The following ZNFX1 variants were observed in gnomAD, a reference collection of about 807,000 sequenced individuals.
ZNFX1 encodes NFX1-type zinc finger-containing protein 1.
A neutral mutation model predicts 179.8 loss-of-function variants in ZNFX1; 78 were observed. That is an observed-to-expected ratio of 0.43 (90% CI 0.36 to 0.52). The LOEUF (loss-of-function observed/expected upper bound fraction) is 0.52. ZNFX1 is among the 20% of genes least tolerant of loss of function. The pLI, the probability that ZNFX1 is intolerant of heterozygous loss-of-function variation, is 0.00. For missense variants in ZNFX1, 1,927 were observed against 2,386.6 expected, an observed-to-expected ratio of 0.81 and a Z score of 4.01; for synonymous variants, 848 against 868.5, an observed-to-expected ratio of 0.98 and a Z score of 0.42.
Position 49,257,539 on chromosome 20 carries a change from G to A in ZNFX1, c.2542C>T (p.Arg848Trp), listed in dbSNP as rs145269844. 1.1e-4 allele frequency: 183 copies of A among 1,613,588 alleles called. No homozygotes were observed. The highest frequency in any genetic ancestry group is 4.9e-4 in the Middle Eastern group (3 of 6,084). The change falls in exon 8 of 14, where the codon CGG becomes TGG. Residue 848 changes from arginine to tryptophan, a missense_variant. Physicochemically the swap from Arg to Trp is moderately radical, Grantham distance 101. Transcript: ENST00000396105. ...GCTCCACTCTCTTCCTTCTTCCGCC[G>A]CTGGGGCCTCACCACCTCTTCCTCC... is the stretch of plus-strand genomic sequence containing the variant. ...IEEEEVVRPQRRKKEESGADQ... is the reference protein window; with the variant it reads ...IEEEEVVRPQWRKKEESGADQ...
chr20:49,257,270 A>C (rs1980991066), intron 8 of ZNFX1, 147 bp downstream of exon 8: 1 of 1,172,944 alleles, frequency 8.5e-7, no homozygotes, highest in Non-Finnish European at 1.2e-6. Flanking sequence ...CTTGGGAATC[A>C]CTAAAGCCAT....
intron 13 of ZNFX1, among the ~76,000 whole-genome samples, chr20:49,251,205 C>T (rs942345297): frequency 3.9e-5 from 6 of 151,942 alleles, no homozygotes; most frequent in Non-Finnish European, 7.4e-5. Context: ...TAGCATGGCA[C>T]GATCTCAGCT....
intron 4 of ZNFX1, among the ~76,000 whole-genome samples, chr20:49,265,254 C>A (rs1196757270): frequency 6.6e-6 from 1 of 152,196 alleles, no homozygotes; most frequent in Non-Finnish European, 1.5e-5. Context: ...GGGCCCAGCA[C>A]AAAGCAAGCA....
Position 49,271,195 on chromosome 20 carries a change from T to G in ZNFX1, c.617A>C (p.His206Pro). 6.2e-7 allele frequency: 1 copy of G among 1,614,114 alleles called. No individual in the cohort carries two copies. The highest frequency in any genetic ancestry group is 8.5e-7 in the Non-Finnish European group (1 of 1,180,022). Reference sequence around the variant, plus strand: ...GGAGTTTTTCAATATGCCCAGTACATGGAGAACACTCTGGCGATCCATTTT... The same window carrying G: ...GGAGTTTTTCAATATGCCCAGTACAGGGAGAACACTCTGGCGATCCATTTT... ...SSKMDRQSVL[H>P]VLGILKNSKF... is the part of the protein sequence containing the mutation. Residue 206 changes from histidine to proline, a missense_variant, in exon 3 of 14, where the codon CAT becomes CCT. Transcript: ENST00000396105.
rs766738528 is a variant in ZNFX1 at position 49,275,868 on chromosome 20, A to G, written c.-29T>C. 3 of 1,612,834 alleles carry G rather than the reference A, an allele frequency of 1.9e-6. No individual in the cohort carries two copies. In the African/African-American group the frequency reaches 4.0e-5, roughly 22 times the overall value. Reference sequence around the variant, plus strand: ...TGAGTCACCTGAATTCCTTCACGTTACTTTCTGTTATCTGGAAAACTGCAC... The same window carrying G: ...TGAGTCACCTGAATTCCTTCACGTTGCTTTCTGTTATCTGGAAAACTGCAC... On this transcript the variant is annotated 5_prime_UTR_variant, in exon 2 of 14. Coordinates refer to ENST00000396105, the MANE Select transcript of ZNFX1 (RefSeq NM_021035.3).
rs2146732320 is a variant in ZNFX1, at chr20:49,255,931, T to C, written c.2681A>G (p.Lys894Arg). ...TGEWQTQRNQKKKMKKRVKDE... is the reference protein window; with the variant it reads ...TGEWQTQRNQRKKMKKRVKDE... ...CTTCACTCTTTTTTTCATTTTCTTT[T>C]TCTGGTTGCGCTGGGTCTGCAGACA... is the stretch of plus-strand genomic sequence containing the variant. The change falls in exon 9 of 14, where the codon AAA becomes AGA. Residue 894 changes from lysine to arginine, a missense_variant. Lys to Arg is a conservative substitution (Grantham distance 26). Transcript: ENST00000396105. The C allele has an allele frequency of 6.2e-7, 1 of 1,614,128 alleles. No individual in the cohort carries two copies. The highest frequency in any genetic ancestry group is 2.2e-5 in the East Asian group (1 of 44,880).
In ZNFX1 at chr20:49,257,528, C is replaced by T; in HGVS notation, c.2553G>A (p.Lys851=). ...ACTCCTGGTCTGCTCCACTCTCTTC[C>T]TTCTTCCGCCGCTGGGGCCTCACCA... ...EEVVRPQRRK[K]EESGADQELA... The change falls in exon 8 of 14, where the codon AAG becomes AAA. Residue 851 remains lysine (K), a synonymous_variant. Coordinates refer to ENST00000396105, the MANE Select transcript of ZNFX1 (RefSeq NM_021035.3). The T allele has an allele frequency of 6.2e-7, 1 of 1,613,896 alleles. No individual in the cohort carries two copies. Among genetic ancestry groups the T allele is most frequent in the Non-Finnish European group, 8.5e-7 (1 of 1,180,000 alleles).
chr20:49,263,329 C>T lies in ZNFX1; in HGVS notation c.2301+5G>A, dbSNP rs1343649154. ...CATATTTGTGTCCCCCAGGATGACCCCTACCTGCACTGGTCCATTCATGAG... is the reference window on the plus strand; with the variant it reads ...CATATTTGTGTCCCCCAGGATGACCTCTACCTGCACTGGTCCATTCATGAG... On this transcript the variant is annotated splice_donor_5th_base_variant and intron_variant, in intron 6 of 13. Coordinates refer to ENST00000396105, the MANE Select transcript of ZNFX1 (RefSeq NM_021035.3). 1.9e-6 allele frequency: 3 copies of T among 1,612,664 alleles called. No individual in the cohort carries two copies. The highest frequency in any genetic ancestry group is 2.7e-5 in the African/African-American group (2 of 74,882).
intron 8 of ZNFX1, 68 bp from the exon 9 acceptor site, chr20:49,256,015 G>T: frequency 6.3e-7 from 1 of 1,578,982 alleles, no homozygotes. Flanking sequence ...GCCCAAGGCA[G>T]GGGTCACAGC....
Position 49,246,745 on chromosome 20 carries a change from G to C in ZNFX1, c.*522C>G, listed in dbSNP as rs8123912. 75,152 of 416,758 alleles carry C rather than the reference G, an allele frequency of 0.18. 7,319 individuals are homozygous for C. The highest frequency in any genetic ancestry group is 0.22 in the Non-Finnish European group (45,321 of 209,708). 25.8% of individuals were successfully genotyped at this position (416,758 alleles called of 1,614,324 possible). On this transcript the variant is annotated 3_prime_UTR_variant, in exon 14 of 14. Coordinates refer to ENST00000396105, the MANE Select transcript of ZNFX1 (RefSeq NM_021035.3). ...CTAATTTGCAGGAGAGAAGGGGTGA[G>C]ATTTGTTAACTTTGCTCTCAGTTCT...
chr20:49,257,702 CTTT>C (rs11295162), intron 7 of ZNFX1, 38 bp from the exon 8 acceptor site: 5,064 of 1,350,958 alleles, frequency 3.7e-3, no homozygotes, highest in South Asian at 5.0e-3. Flanking sequence ...GATGAAAACT[CTTT>C]TTTTTTTTTT....
At position 49,246,146 on chromosome 20, in the gene ZNFX1, G is replaced by C. The variant is rs1371458478; in HGVS notation, c.*1121C>G. On this transcript the variant is annotated 3_prime_UTR_variant, in exon 14 of 14. Coordinates refer to ENST00000396105, the MANE Select transcript of ZNFX1 (RefSeq NM_021035.3). ...CTCTACCCAGGGAACAGCTCCAAGAGGGAGTGTTGGGATGAAGGATCACAC... is the reference window on the plus strand; with the variant it reads ...CTCTACCCAGGGAACAGCTCCAAGACGGAGTGTTGGGATGAAGGATCACAC... 1 of 152,204 alleles carries C rather than the reference G, an allele frequency of 6.6e-6. No individual in the cohort carries two copies. The highest frequency in any genetic ancestry group is 1.5e-5 in the Non-Finnish European group (1 of 68,056). The allele number at this position is 152,204 out of a possible 1,614,324, so 9.4% of individuals were successfully genotyped here.
intron 6 of ZNFX1, among the ~76,000 whole-genome samples, chr20:49,262,664 C>A (rs1333708258): frequency 6.6e-6 from 1 of 152,186 alleles, no homozygotes; most frequent in Non-Finnish European, 1.5e-5. Flanking sequence ...TGTAAATCAG[C>A]AACCTAATGG....
In ZNFX1 at chr20:49,270,785, T is replaced by C. The variant is rs1981364649; in HGVS notation, c.1027A>G (p.Asn343Asp). 6.2e-7 allele frequency: 1 copy of C among 1,614,122 alleles called. No individual in the cohort carries two copies. The highest frequency in any genetic ancestry group is 1.1e-5 in the South Asian group (1 of 91,076). The change falls in exon 3 of 14, where the codon AAT becomes GAT. Residue 343 changes from asparagine (N) to aspartate (D), a missense_variant. By Grantham distance (23) the Asn-to-Asp change is conservative. Coordinates refer to ENST00000396105, the MANE Select transcript of ZNFX1 (RefSeq NM_021035.3). This position sits in a 1 kb window ranked among gnomAD's most constrained non-coding sequence, Gnocchi z 4.6. Reference sequence around the variant, plus strand: ...GGCCTCTCATCCAAGTGCACTTCATTGTAGGTAGGGTAAATGGGCATGGTT... The same window carrying C: ...GGCCTCTCATCCAAGTGCACTTCATCGTAGGTAGGGTAAATGGGCATGGTT... The part of the protein sequence containing the change: ...YRTMPIYPTY[N>D]EVHLDERPFL...
intron 6 of ZNFX1, 79 bp downstream of exon 6, chr20:49,263,255 T>C (rs1258188124): frequency 5.2e-6 from 8 of 1,542,290 alleles, no homozygotes; most frequent in Non-Finnish European, 6.2e-6. Context: ...GGTAAAGTTT[T>C]GGACTGATGC....
In ZNFX1 at chr20:49,255,941, G is replaced by A. The variant is rs764506073; in HGVS notation, c.2671C>T (p.Arg891Cys). The A allele has an allele frequency of 2.9e-5, 47 of 1,613,670 alleles. No individual in the cohort carries two copies. The highest frequency in any genetic ancestry group is 1.1e-4 in the East Asian group (5 of 44,882). ...TTTTTCATTTTCTTTTTCTGGTTGCGCTGGGTCTGCAGACATCAATACCAG... is the reference window on the plus strand; with the variant it reads ...TTTTTCATTTTCTTTTTCTGGTTGCACTGGGTCTGCAGACATCAATACCAG... ...EQATGEWQTQ[R>C]NQKKKMKKRV... The change falls in exon 9 of 14, where the codon CGC becomes TGC. Residue 891 changes from arginine to cysteine, a missense_variant. Arg to Cys is a radical substitution (Grantham distance 180). Coordinates refer to ENST00000396105, the MANE Select transcript of ZNFX1 (RefSeq NM_021035.3).
At chr20:49,263,172 G>T (rs1981154901) in intron 6 of ZNFX1, among the ~76,000 whole-genome samples, 162 bp downstream of exon 6, 1 of 152,164 alleles carries the variant, frequency 6.6e-6, no homozygotes, top group African/African-American at 2.4e-5. Context: ...TTTTGTTCCT[G>T]ACCAGCATAT....
chr20:49,257,249 G>A (rs112995964), intron 8 of ZNFX1, among the ~76,000 whole-genome samples, 168 bp downstream of exon 8: 1 of 152,240 alleles, frequency 6.6e-6, no homozygotes, highest in African/African-American at 2.4e-5. Flanking sequence ...AAGAACCATC[G>A]TATTTATATC....
rs777934331 is a variant in ZNFX1 at position 49,247,332 on chromosome 20, G to A, written c.5692C>T (p.His1898Tyr). ...TTGGCCGTGTCAGACCAGGCAGCAT[G>A]CTGGGCTCCATCCATTTCAGAAGCA... ...QLASEMDGAQ[H>Y]AAWSDTANNL... The change falls in exon 14 of 14, where the codon CAT becomes TAT. Residue 1898 changes from histidine (H) to tyrosine (Y), a missense_variant. By Grantham distance (83) the His-to-Tyr change is moderately conservative. Coordinates refer to ENST00000396105, the MANE Select transcript of ZNFX1 (RefSeq NM_021035.3). The A allele has an allele frequency of 1.2e-6, 2 of 1,614,030 alleles. No homozygotes were observed. The highest frequency in any genetic ancestry group is 1.7e-6 in the Non-Finnish European group (2 of 1,180,020).
Sources: gnomAD v4.1 joint callset for allele counts (sites outside exome capture counted in the v4.1 genomes callset) on GRCh38, gnomAD v4.1.1 for gene constraint, Gnocchi (gnomAD v3.1) non-coding constraint, MANE v1.5 for transcripts, NCBI Gene and HGNC (gene_info 2026-07-23, HGNC 2026-07-21) for gene names.